IER3IP1: variants seen among roughly 807,000 people sequenced by gnomAD.
IER3IP1 encodes immediate early response 3-interacting protein 1.
A neutral mutation model predicts 12.2 loss-of-function variants in IER3IP1; 16 were observed. That is an observed-to-expected ratio of 1.31 (90% CI 0.89 to 1.99). IER3IP1 has a LOEUF of 1.99. IER3IP1 is among the 30% of genes most tolerant of loss of function. The probability of loss-of-function intolerance (pLI) is 0.00; values close to 1 mark genes in which losing one functional copy is unlikely to be tolerated. For missense variants in IER3IP1, 95 were observed against 95.8 expected (o/e 0.99, Z 0.03); for synonymous variants, 42 against 40.0 (o/e 1.05, Z -0.19).
chr18:47,174,106 T>C (rs1172965466), intron 1 of IER3IP1, among the ~76,000 whole-genome samples: 1 of 152,230 alleles, frequency 6.6e-6, no homozygotes, highest in African/African-American at 2.4e-5. Flanking sequence ...AGGGACACAA[T>C]TCAAACCCCA....
intron 1 of IER3IP1, among the ~76,000 whole-genome samples, chr18:47,158,055 A>C (rs1382933106): frequency 6.6e-6 from 1 of 152,220 alleles, no homozygotes; most frequent in Non-Finnish European, 1.5e-5. Flanking sequence ...CAAAATACAC[A>C]AATCTTTTCA....
At chr18:47,161,535 G>A (rs28587821) in intron 1 of IER3IP1, among the ~76,000 whole-genome samples, 7,987 of 152,098 alleles carry the variant, frequency 0.053, 255 homozygotes, top group East Asian at 0.091. Context: ...TTGCTACCTC[G>A]ATTCCCATTG....
rs773870362 is a variant in IER3IP1 at position 47,176,185 on chromosome 18, A to G, written c.91+2T>C. 1.3e-6 allele frequency: 2 copies of G among 1,591,088 alleles called. No homozygotes were observed. The highest frequency in any genetic ancestry group is 8.6e-7 in the Non-Finnish European group (1 of 1,169,108). ...CAGCCCGCGCCCCGCGGTCCCACTC[A>G]CTGTTCTTGAGGAATCGCTCCTCGT... On this transcript the variant is annotated splice_donor_variant, in intron 1 of 2. Transcript: ENST00000256433. LOFTEE classifies it high-confidence loss of function.
chr18:47,158,979 A>G (rs577526668), intron 1 of IER3IP1, among the ~76,000 whole-genome samples: 1 of 152,072 alleles, frequency 6.6e-6, no homozygotes, highest in South Asian at 2.1e-4. Context: ...TTTTTTTTAA[A>G]GAGGCAAATG....
At position 47,176,127 on chromosome 18, in the gene IER3IP1, G is replaced by A. The variant is rs1225972361; in HGVS notation, c.91+60C>T. The A allele has an allele frequency of 3.5e-6, 5 of 1,415,408 alleles. No homozygotes were observed. In the East Asian group the frequency reaches 9.9e-5, roughly 28 times the overall value. The allele number at this position is 1,415,408 out of a possible 1,614,324, so 87.7% of individuals were successfully genotyped here. ...GGTGTCCCCTCACGCGGCCCCATTA[G>A]GTTACGCGCCCCCGGGGACTCCGCC... On this transcript the variant is annotated intron_variant, in intron 1 of 2. Transcript: ENST00000256433.
At chr18:47,164,193 A>C (rs536182037) in intron 1 of IER3IP1, among the ~76,000 whole-genome samples, 1 of 152,316 alleles carries the variant, frequency 6.6e-6, no homozygotes, top group East Asian at 1.9e-4. Flanking sequence ...GAATTAACAT[A>C]ATTTAAGCAT....
chr18:47,175,777 T>C (rs1450047815), intron 1 of IER3IP1, among the ~76,000 whole-genome samples: 2 of 151,592 alleles, frequency 1.3e-5, no homozygotes, highest in African/African-American at 2.4e-5. Context: ...CCCCAACTCT[T>C]AGCCCGAAAC....
chr18:47,173,648 A>G (rs115041241), intron 1 of IER3IP1, among the ~76,000 whole-genome samples: 2,484 of 152,284 alleles, frequency 0.016, 64 homozygotes, highest in African/African-American at 0.057. Flanking sequence ...TACTTTTAAA[A>G]TATCTTTTGA....
chr18:47,167,383 A>T (rs2063999546), intron 1 of IER3IP1, among the ~76,000 whole-genome samples: 2 of 152,186 alleles, frequency 1.3e-5, no homozygotes, highest in Admixed American at 1.3e-4. Context: ...GTAAGGGCAC[A>T]AATCTCAATC....
chr18:47,157,603 C>G, intron 1 of IER3IP1, 66 bp from the exon 2 acceptor site: 3 of 1,393,578 alleles, frequency 2.2e-6, no homozygotes, highest in Non-Finnish European at 3.1e-6. Flanking sequence ...CTGTCATCTT[C>G]TAAAAGATTA....
intron 1 of IER3IP1, among the ~76,000 whole-genome samples, chr18:47,169,838 T>C (rs1272698596): frequency 9.9e-5 from 15 of 152,148 alleles, no homozygotes; most frequent in Admixed American, 9.8e-4. Flanking sequence ...TCTTTATATA[T>C]TTTGGATAGA....
intron 1 of IER3IP1, among the ~76,000 whole-genome samples, chr18:47,169,727 T>G (rs890277550): frequency 6.6e-6 from 1 of 152,174 alleles, no homozygotes; most frequent in African/African-American, 2.4e-5. Context: ...ATTCATGTGC[T>G]TATTGATCAT....
chr18:47,158,934 G>A (rs2063970550), intron 1 of IER3IP1, among the ~76,000 whole-genome samples: 1 of 152,100 alleles, frequency 6.6e-6, no homozygotes, highest in African/African-American at 2.4e-5. Context: ...CTGCACTCCA[G>A]CCTGGGCAAC....
chr18:47,161,180 CTT>C (rs2063979013), intron 1 of IER3IP1, among the ~76,000 whole-genome samples: 1 of 152,132 alleles, frequency 6.6e-6, no homozygotes, highest in African/African-American at 2.4e-5. Context: ...GGAAATAAGA[CTT>C]CACTTTTAAT....
At position 47,172,073 on chromosome 18, in the gene IER3IP1, T is replaced by C. The variant is rs1371947475; in HGVS notation, c.91+4114A>G. On this transcript the variant is annotated intron_variant, in intron 1 of 2. Transcript: ENST00000256433. The surrounding 1 kb of genome is among the most constrained non-coding windows in gnomAD (Gnocchi z 4.0). ...CTGGGATTACAGGCATGAGCCACGGTGCTGGGCCTTCTGTTTTGGTCTTTC... is the reference window on the plus strand; with the variant it reads ...CTGGGATTACAGGCATGAGCCACGGCGCTGGGCCTTCTGTTTTGGTCTTTC... 1.3e-5 allele frequency among the ~76,000 whole-genome samples: 2 copies of C among 152,176 alleles called. No individual in the cohort carries two copies. Among genetic ancestry groups the C allele is most frequent in the African/African-American group, 4.8e-5 (2 of 41,450 alleles).
At chr18:47,160,069 C>T (rs570849468) in intron 1 of IER3IP1, among the ~76,000 whole-genome samples, 3 of 152,214 alleles carry the variant, frequency 2.0e-5, no homozygotes, top group Admixed American at 2.0e-4. Context: ...GTGGCGCATG[C>T]CTGTAATCCC....
intron 1 of IER3IP1, among the ~76,000 whole-genome samples, chr18:47,163,579 C>T (rs1037876154): frequency 3.3e-5 from 5 of 152,178 alleles, no homozygotes; most frequent in Non-Finnish European, 2.9e-5. Context: ...TGTGCTCGCT[C>T]AAGCCTGAGT....
At position 47,157,552 on chromosome 18, in the gene IER3IP1, G is replaced by C; in HGVS notation, c.92-15C>G. ...TCCCCAGCCAACTGTATAATGTAAA[G>C]ATTAGCTGTGTTAAAAGTTATTACA... is the stretch of plus-strand genomic sequence containing the variant. On this transcript the variant is annotated splice_polypyrimidine_tract_variant and intron_variant, in intron 1 of 2. Coordinates refer to ENST00000256433, the MANE Select transcript of IER3IP1 (RefSeq NM_016097.5). The C allele has an allele frequency of 6.2e-7, 1 of 1,608,758 alleles. No individual in the cohort carries two copies. The highest frequency in any genetic ancestry group is 1.3e-5 in the African/African-American group (1 of 74,968).
At chr18:47,171,723 C>T (rs1160398314) in intron 1 of IER3IP1, among the ~76,000 whole-genome samples, 3 of 151,994 alleles carry the variant, frequency 2.0e-5, no homozygotes, top group African/African-American at 4.8e-5. Flanking sequence ...GTGGAGGCTG[C>T]GAGAGCAGGT....
Sources: allele counts gnomAD v4.1 joint callset (sites outside exome capture counted in the v4.1 genomes callset), GRCh38; gene constraint gnomAD v4.1.1; non-coding constraint Gnocchi (gnomAD v3.1); transcripts MANE v1.5; gene names NCBI Gene and HGNC (gene_info 2026-07-23, HGNC 2026-07-21).